Variants in ANKRD55 observed in about 807,000 individuals in gnomAD.
ANKRD55 encodes ankyrin repeat domain-containing protein 55.
ANKRD55 carries 41 observed loss-of-function variants against 60.6 expected under a neutral mutation model. The observed-to-expected ratio is 0.68, with a 90% CI of 0.53 to 0.88. The LOEUF (loss-of-function observed/expected upper bound fraction) is 0.88, where lower values mean the gene tolerates loss of function less well. Among genes scored for constraint, ANKRD55 ranks in the 40% least tolerant of loss-of-function variants. ANKRD55 has a pLI of 0.00. For synonymous variants in ANKRD55, 264 were observed against 290.3 expected, an observed-to-expected ratio of 0.91 and a Z score of 0.92; for missense variants, 732 against 767.6, an observed-to-expected ratio of 0.95 and a Z score of 0.55.
intron 5 of ANKRD55, among the ~76,000 whole-genome samples, chr5:56,166,158 T>TTTCTTTCTTTCTTTCTCTCTTCTTTCC (rs1554040812): frequency 1.4e-5 from 1 of 72,436 alleles, no homozygotes. Flanking sequence ...TTCTTTCTTC[T>TTTCTTTCTTTCTTTCTCTCTTCTTTCC]TTCCTTCCTT....
intron 7 of ANKRD55, among the ~76,000 whole-genome samples, chr5:56,136,114 AAAAT>A (rs1413547677): frequency 1.3e-5 from 2 of 152,188 alleles, no homozygotes; most frequent in East Asian, 1.9e-4. Context: ...AAAAATTATA[AAAAT>A]AAATAAATAA....
intron 4 of ANKRD55, among the ~76,000 whole-genome samples, chr5:56,173,197 G>GT (rs527978846): frequency 2.0e-5 from 3 of 151,662 alleles, no homozygotes; most frequent in Non-Finnish European, 2.9e-5. Context: ...AATTGCAATT[G>GT]TTTTTTTTCT....
At chr5:56,223,444 A>G (rs1375572704) in intron 2 of ANKRD55, among the ~76,000 whole-genome samples, 2 of 152,236 alleles carry the variant, frequency 1.3e-5, no homozygotes, top group African/African-American at 4.8e-5. Context: ...AACTGCATCA[A>G]CTAACAAGCA....
chr5:56,190,801 T>A (rs1048660441), intron 2 of ANKRD55, among the ~76,000 whole-genome samples: 1 of 152,186 alleles, frequency 6.6e-6, no homozygotes, highest in African/African-American at 2.4e-5. Flanking sequence ...CAGGCACCCA[T>A]GCCAGAAGAT....
intron 10 of ANKRD55, among the ~76,000 whole-genome samples, chr5:56,103,056 A>G (rs938676998): frequency 6.6e-6 from 1 of 152,284 alleles, no homozygotes; most frequent in Admixed American, 6.5e-5. Flanking sequence ...AGGTTATTAG[A>G]TCAGAATCTC....
intron 3 of ANKRD55, among the ~76,000 whole-genome samples, chr5:56,181,242 T>C (rs972672764): frequency 6.6e-6 from 1 of 152,202 alleles, no homozygotes; most frequent in Non-Finnish European, 1.5e-5. Context: ...TAAACTATGC[T>C]GAATTGGAGT....
intron 7 of ANKRD55, among the ~76,000 whole-genome samples, chr5:56,130,510 C>A (rs1757379935): frequency 6.6e-6 from 1 of 152,188 alleles, no homozygotes; most frequent in African/African-American, 2.4e-5. Context: ...TTTCTCTTCC[C>A]CCCATACTTC....
chr5:56,168,695 A>G (rs2086675), intron 5 of ANKRD55, among the ~76,000 whole-genome samples: 43,391 of 152,002 alleles, frequency 0.29, 10,844 homozygotes, highest in African/African-American at 0.67. Context: ...GGGTGAGGGG[A>G]GACTACTGTT....
chr5:56,166,448 A>C (rs1244976819), intron 5 of ANKRD55, among the ~76,000 whole-genome samples: 1 of 151,830 alleles, frequency 6.6e-6, no homozygotes, highest in Non-Finnish European at 1.5e-5. Context: ...TCATTTTTAG[A>C]AATGAGGCCT....
chr5:56,115,409 C>T (rs1756858797), intron 9 of ANKRD55, among the ~76,000 whole-genome samples: 1 of 151,440 alleles, frequency 6.6e-6, no homozygotes, highest in African/African-American at 2.4e-5. Flanking sequence ...ACCTCCACCT[C>T]CCAGGCTCAA....
At chr5:56,183,931 G>C (rs1281633765) in intron 2 of ANKRD55, among the ~76,000 whole-genome samples, 1 of 152,224 alleles carries the variant, frequency 6.6e-6, no homozygotes, top group Non-Finnish European at 1.5e-5. Flanking sequence ...GCCCAGAGAG[G>C]AAAGTGGGAA....
At chr5:56,118,298 A>G (rs1756937589) in intron 8 of ANKRD55, among the ~76,000 whole-genome samples, 1 of 152,186 alleles carries the variant, frequency 6.6e-6, no homozygotes, top group African/African-American at 2.4e-5. Context: ...ATAGTCAACA[A>G]AGTATTACTA....
intron 5 of ANKRD55, chr5:56,161,978 T>C (rs1758343824): frequency 1.0e-5 from 10 of 985,346 alleles, no homozygotes; most frequent in Non-Finnish European, 9.6e-6. Context: ...GGGCAGGGCT[T>C]ACCTTGTGAC....
At chr5:56,177,175 C>T (rs1360763735) in intron 3 of ANKRD55, among the ~76,000 whole-genome samples, 3 of 152,114 alleles carry the variant, frequency 2.0e-5, no homozygotes, top group South Asian at 4.1e-4. Flanking sequence ...TGAACATTGC[C>T]TGGAGGGAGT....
At chr5:56,216,731 A>G (rs1032297634) in intron 2 of ANKRD55, among the ~76,000 whole-genome samples, 7 of 152,236 alleles carry the variant, frequency 4.6e-5, no homozygotes, top group Non-Finnish European at 8.8e-5. Flanking sequence ...AACTTTCTCC[A>G]AGTCCATGAA....
chr5:56,121,146 C>T (rs927061878), intron 8 of ANKRD55, among the ~76,000 whole-genome samples: 2 of 152,066 alleles, frequency 1.3e-5, no homozygotes, highest in African/African-American at 2.4e-5. Context: ...AGGGGCCATC[C>T]TCCATCTCTA....
rs550429283 is a variant in ANKRD55 at position 56,118,703 on chromosome 5, C to T, written c.798-1921G>A. 2.6e-5 allele frequency among the ~76,000 whole-genome samples: 4 copies of T among 150,970 alleles called. No individual in the cohort carries two copies. In the South Asian group the frequency reaches 8.5e-4, roughly 32 times the overall value. On this transcript the variant is annotated intron_variant, in intron 8 of 11. Coordinates refer to ENST00000341048, the MANE Select transcript of ANKRD55 (RefSeq NM_024669.3). ...AGAACGGAACAATAAGAAAATAAAC[C>T]AATTTTAAAAATTAGCAAAAGATCA...
intron 6 of ANKRD55, among the ~76,000 whole-genome samples, chr5:56,148,962 T>G (rs748717889): frequency 9.2e-5 from 14 of 152,186 alleles, no homozygotes; most frequent in Non-Finnish European, 1.6e-4. Context: ...GGTTGACATT[T>G]AAAAATTAAC....
At chr5:56,126,225 G>C (rs545349573) in intron 8 of ANKRD55, among the ~76,000 whole-genome samples, 2 of 152,286 alleles carry the variant, frequency 1.3e-5, no homozygotes, top group East Asian at 3.9e-4. Flanking sequence ...AAAGAAACCA[G>C]AGTGCTCAAG....
Sources: gnomAD v4.1 joint callset for allele counts (sites outside exome capture counted in the v4.1 genomes callset) on GRCh38, gnomAD v4.1.1 for gene constraint, MANE v1.5 for transcripts, NCBI Gene and HGNC (gene_info 2026-07-23, HGNC 2026-07-21) for gene names.